Variants in EEFSEC observed in about 807,000 individuals in gnomAD.
The protein encoded by EEFSEC is eukaryotic elongation factor, selenocysteine-tRNA specific.
In EEFSEC, 43 loss-of-function variants were observed where a neutral mutation model predicts 42.1. That is an observed-to-expected ratio of 1.02 (90% CI 0.80 to 1.32). The LOEUF is 1.32. Among genes scored for constraint, EEFSEC ranks in the 40% most tolerant of loss-of-function variants. The probability of loss-of-function intolerance (pLI) is 0.00; values close to 1 mark genes in which losing one functional copy is unlikely to be tolerated. For missense variants in EEFSEC, 745 were observed against 803.6 expected, an observed-to-expected ratio of 0.93 and a Z score of 0.88; for synonymous variants, 354 against 339.1, an observed-to-expected ratio of 1.04 and a Z score of -0.48.
intron 6 of EEFSEC, among the ~76,000 whole-genome samples, chr3:128,365,016 T>C (rs1024230979): frequency 6.6e-6 from 1 of 152,196 alleles, no homozygotes; most frequent in African/African-American, 2.4e-5. Context: ...GCCAGCTGGC[T>C]CTGCTCCCTT....
At chr3:128,261,886 G>C (rs1332060591) in intron 2 of EEFSEC, among the ~76,000 whole-genome samples, 1 of 152,184 alleles carries the variant, frequency 6.6e-6, no homozygotes, top group Non-Finnish European at 1.5e-5. Flanking sequence ...TAATATCTAA[G>C]AGAGCCCTTT....
At chr3:128,170,553 C>G (rs1042325833) in intron 1 of EEFSEC, among the ~76,000 whole-genome samples, 13 of 151,944 alleles carry the variant, frequency 8.6e-5, no homozygotes, top group African/African-American at 3.1e-4. Flanking sequence ...GTGACAGAAC[C>G]TTGCCCATAG....
Position 128,227,311 on chromosome 3 carries a change from A to AC in EEFSEC, c.317-19518dup, listed in dbSNP as rs199637271. 4.7e-3 allele frequency among the ~76,000 whole-genome samples: 684 copies of AC among 146,896 alleles called. 7 individuals are homozygous for AC. Among genetic ancestry groups the AC allele is most frequent in the African/African-American group, 0.016 (624 of 39,480 alleles). On this transcript the variant is annotated intron_variant, in intron 1 of 6. Coordinates refer to ENST00000254730, the MANE Select transcript of EEFSEC (RefSeq NM_021937.5). ...CTTTTTGTGACAGATTCCTCCCCCT[A>AC]CCCCCCCACTCCGTTCTTTTTTTGG...
intron 4 of EEFSEC, among the ~76,000 whole-genome samples, chr3:128,323,580 G>A (rs2067031319): frequency 4.6e-5 from 7 of 152,202 alleles, no homozygotes; most frequent in Admixed American, 4.6e-4. Flanking sequence ...TAGGTGCTGT[G>A]CTTGGCCTTG....
chr3:128,382,254 G>A (rs143967352), intron 6 of EEFSEC, among the ~76,000 whole-genome samples: 2 of 152,362 alleles, frequency 1.3e-5, no homozygotes, highest in East Asian at 3.9e-4. Context: ...TGAGGCAAGT[G>A]TCATGGGAAA....
chr3:128,207,587 ACACAC>A (rs2107827048), intron 1 of EEFSEC, among the ~76,000 whole-genome samples: 1 of 151,830 alleles, frequency 6.6e-6, no homozygotes, highest in East Asian at 1.9e-4. Context: ...ACACACACAC[ACACAC>A]ACACACACAC....
intron 4 of EEFSEC, among the ~76,000 whole-genome samples, chr3:128,278,528 A>G (rs2107961061): frequency 6.6e-6 from 1 of 152,342 alleles, no homozygotes; most frequent in South Asian, 2.1e-4. Context: ...CTAGGAAGCA[A>G]GCTGACATAA....
At chr3:128,308,655 C>T (rs887607149) in intron 4 of EEFSEC, among the ~76,000 whole-genome samples, 3 of 152,200 alleles carry the variant, frequency 2.0e-5, no homozygotes, top group Non-Finnish European at 4.4e-5. Flanking sequence ...CCCACAAATA[C>T]AACCTATAGA....
intron 1 of EEFSEC, 97 bp downstream of exon 1, chr3:128,153,920 A>G (rs2107748251): frequency 7.1e-7 from 1 of 1,408,398 alleles, no homozygotes; most frequent in Non-Finnish European, 9.2e-7. Context: ...GGGACGGGAA[A>G]TCGCCCCACC....
chr3:128,403,228 G>A (rs1395643080), intron 6 of EEFSEC, among the ~76,000 whole-genome samples: 1 of 152,192 alleles, frequency 6.6e-6, no homozygotes, highest in African/African-American at 2.4e-5. Flanking sequence ...GTGCCTCCCA[G>A]GTGGGTCTCC....
intron 2 of EEFSEC, among the ~76,000 whole-genome samples, chr3:128,250,910 G>GTTTTTTTTTTTTTTTTTTTTTTT (rs1559886787): frequency 2.9e-5 from 1 of 34,530 alleles, no homozygotes; most frequent in African/African-American, 7.3e-5. Context: ...AGTTTTTTTT[G>GTTTTTTTTTTTTTTTTTTTTTTT]GTTTTTTTTT....
At chr3:128,297,633 A>C (rs752765251) in intron 4 of EEFSEC, among the ~76,000 whole-genome samples, 2 of 152,180 alleles carry the variant, frequency 1.3e-5, no homozygotes, top group African/African-American at 2.4e-5. Context: ...GGATAGCCTC[A>C]TGGGAGGGCT....
intron 1 of EEFSEC, among the ~76,000 whole-genome samples, chr3:128,211,383 G>A (rs1350240099): frequency 6.6e-6 from 1 of 152,102 alleles, no homozygotes; most frequent in Non-Finnish European, 1.5e-5. Context: ...CCTCTTGAGT[G>A]GCTGGGACTA....
chr3:128,249,390 C>T (rs1040730114), intron 2 of EEFSEC, among the ~76,000 whole-genome samples: 8 of 152,038 alleles, frequency 5.3e-5, no homozygotes, highest in Admixed American at 2.6e-4. Flanking sequence ...TGTAGTATTG[C>T]CCCCACTTTT....
At chr3:128,363,951 A>G (rs2067558383) in intron 6 of EEFSEC, among the ~76,000 whole-genome samples, 1 of 152,118 alleles carries the variant, frequency 6.6e-6, no homozygotes, top group Non-Finnish European at 1.5e-5. Context: ...AGACTCCCTC[A>G]GAAGCTGCTG....
the EEFSEC span, among the ~76,000 whole-genome samples, chr3:128,425,194 C>G: frequency 1.3e-5 from 2 of 152,222 alleles, no homozygotes; most frequent in Non-Finnish European, 2.9e-5. Context: ...CCCTCGCACA[C>G]CCGGCCCCAG....
chr3:128,382,239 G>A (rs977479109), intron 6 of EEFSEC, among the ~76,000 whole-genome samples: 1 of 152,162 alleles, frequency 6.6e-6, no homozygotes, highest in Non-Finnish European at 1.5e-5. Flanking sequence ...CAGACTCCTG[G>A]GCCTTGAGGC....
At chr3:128,242,264 A>G (rs1004424938) in intron 1 of EEFSEC, among the ~76,000 whole-genome samples, 1 of 152,252 alleles carries the variant, frequency 6.6e-6, no homozygotes, top group Non-Finnish European at 1.5e-5. Context: ...GGCTGCAGTG[A>G]GCTATGATTG....
chr3:128,220,254 A>T (rs1192750530), intron 1 of EEFSEC, among the ~76,000 whole-genome samples: 3 of 152,202 alleles, frequency 2.0e-5, no homozygotes, highest in Admixed American at 6.5e-5. Context: ...CCTTTCAGGA[A>T]ATATCTTTGG....
Sources: gnomAD v4.1 joint callset for allele counts (sites outside exome capture counted in the v4.1 genomes callset) on GRCh38, gnomAD v4.1.1 for gene constraint, MANE v1.5 for transcripts, NCBI Gene and HGNC (gene_info 2026-07-23, HGNC 2026-07-21) for gene names.